Variants in ZMYM2 observed in about 807,000 individuals in gnomAD.
The protein encoded by ZMYM2 is zinc finger MYM-type protein 2.
In ZMYM2, 56 loss-of-function variants were observed where a neutral mutation model predicts 162.8. The ratio of observed to expected loss-of-function variants is 0.34; its 90% CI spans 0.28 to 0.43. The LOEUF (loss-of-function observed/expected upper bound fraction) is 0.43, where lower values mean the gene tolerates loss of function less well. ZMYM2 is among the 20% of genes least tolerant of loss of function. The pLI is 1.00. For missense variants in ZMYM2, 1,275 were observed against 1,621.8 expected (o/e 0.79, Z 3.67); for synonymous variants, 510 against 541.6 (o/e 0.94, Z 0.81).
At chr13:19,987,657 G>GTGTGTT (rs1393342177) in intron 2 of ZMYM2, among the ~76,000 whole-genome samples, 1 of 143,044 alleles carries the variant, frequency 7.0e-6, no homozygotes, top group African/African-American at 2.6e-5. Flanking sequence ...GTGTGTGTGT[G>GTGTGTT]TATAGGAAAG....
the ZMYM2 span, among the ~76,000 whole-genome samples, chr13:19,948,960 TTTTTGTTTTG>T: frequency 6.6e-6 from 1 of 152,218 alleles, no homozygotes; most frequent in African/African-American, 2.4e-5. Context: ...TGTGTATGTG[TTTTTGTTTTG>T]TTTTGTTTTG....
intron 2 of ZMYM2, among the ~76,000 whole-genome samples, chr13:19,966,628 A>T (rs377002259): frequency 1.3e-5 from 2 of 151,242 alleles, no homozygotes; most frequent in East Asian, 3.9e-4. Flanking sequence ...TTTAGTATAG[A>T]CGGGGTTTCT....
chr13:19,870,514 C>CCTCT, the ZMYM2 span, among the ~76,000 whole-genome samples: 1 of 138,984 alleles, frequency 7.2e-6, no homozygotes, highest in South Asian at 2.4e-4. Context: ...TCCCTCCCTC[C>CCTCT]CTCTTTCTCT....
intron 19 of ZMYM2, 195 bp from the exon 20 acceptor site, chr13:20,066,656 G>A (rs1208417481): frequency 7.1e-6 from 3 of 423,136 alleles, no homozygotes; most frequent in African/African-American, 4.1e-5. Context: ...CAGGTGGCAC[G>A]ATTGGAAGAG....
the ZMYM2 span, among the ~76,000 whole-genome samples, chr13:19,887,835 C>T: frequency 6.6e-6 from 1 of 151,430 alleles, no homozygotes; most frequent in Non-Finnish European, 1.5e-5. Flanking sequence ...CTTGCTCGAA[C>T]TGCCTCATCT....
At chr13:19,875,140 T>C in the ZMYM2 span, among the ~76,000 whole-genome samples, 13 of 152,182 alleles carry the variant, frequency 8.5e-5, no homozygotes, top group Non-Finnish European at 1.8e-4. Context: ...AGCAAAGTTA[T>C]CAGCCTAGGT....
chr13:20,007,790 T>C (rs557628804), intron 6 of ZMYM2, among the ~76,000 whole-genome samples: 1 of 151,870 alleles, frequency 6.6e-6, no homozygotes, highest in South Asian at 2.1e-4. Context: ...TGAGCTAATT[T>C]TTGTGTTTTT....
At chr13:19,884,146 T>A in the ZMYM2 span, among the ~76,000 whole-genome samples, 1 of 152,104 alleles carries the variant, frequency 6.6e-6, no homozygotes, top group African/African-American at 2.4e-5. Context: ...TGAGGCAGGA[T>A]TGCTTGAGCT....
chr13:19,926,728 C>T, the ZMYM2 span, among the ~76,000 whole-genome samples: 8 of 152,116 alleles, frequency 5.3e-5, no homozygotes, highest in South Asian at 4.2e-4. Context: ...AGTTCAGTGG[C>T]GCAATCCCTG....
the ZMYM2 span, among the ~76,000 whole-genome samples, chr13:19,896,256 G>C: frequency 6.6e-6 from 1 of 151,486 alleles, no homozygotes; most frequent in African/African-American, 2.4e-5. Context: ...CAATTCTCCT[G>C]TCTCAGCCTC....
intron 21 of ZMYM2, among the ~76,000 whole-genome samples, chr13:20,076,922 G>A (rs1416746194): frequency 6.7e-6 from 1 of 149,826 alleles, no homozygotes; most frequent in South Asian, 2.1e-4. Context: ...CCGCATCTCC[G>A]CCTCCCAGGT....
intron 2 of ZMYM2, among the ~76,000 whole-genome samples, chr13:19,992,628 A>T (rs1324054981): frequency 6.6e-6 from 1 of 152,168 alleles, no homozygotes; most frequent in African/African-American, 2.4e-5. Flanking sequence ...GATACAGTGA[A>T]TAAATGGGAT....
chr13:19,957,802 CCAGCTCCAGGGGAGCCCG>C (rs1316803108), upstream of ZMYM2, among the ~76,000 whole-genome samples: 2 of 152,214 alleles, frequency 1.3e-5, no homozygotes, highest in East Asian at 1.9e-4. Flanking sequence ...CGGTGGGAGC[CCAGCTCCAGGGGAGCCCG>C]CAGCTCCCTC....
At chr13:20,073,737 AT>A (rs1409270729) in intron 21 of ZMYM2, among the ~76,000 whole-genome samples, 3 of 152,210 alleles carry the variant, frequency 2.0e-5, no homozygotes, top group Non-Finnish European at 4.4e-5. Flanking sequence ...TTAAATGATT[AT>A]TTAAATAATT....
the ZMYM2 span, among the ~76,000 whole-genome samples, chr13:19,890,393 C>T: frequency 6.6e-6 from 1 of 150,402 alleles, no homozygotes; most frequent in Admixed American, 6.7e-5. Context: ...GTCTTGAACT[C>T]CTGGGCTCAA....
chr13:19,968,291 G>A (rs1398843726), intron 2 of ZMYM2, among the ~76,000 whole-genome samples: 2 of 152,010 alleles, frequency 1.3e-5, no homozygotes, highest in East Asian at 3.9e-4. Flanking sequence ...TGCTCAAGCT[G>A]GAGCGCAATG....
chr13:19,964,623 T>C (rs746949184), intron 2 of ZMYM2, among the ~76,000 whole-genome samples: 1 of 152,190 alleles, frequency 6.6e-6, no homozygotes, highest in Non-Finnish European at 1.5e-5. Flanking sequence ...TAAGTTATCA[T>C]CTTGTTTTTG....
the ZMYM2 span, among the ~76,000 whole-genome samples, chr13:19,879,878 AG>A: frequency 1.3e-5 from 2 of 152,224 alleles, no homozygotes; most frequent in African/African-American, 2.4e-5. Context: ...GATTGAGTAA[AG>A]ATTATCGGCC....
chr13:19,899,417 C>T, the ZMYM2 span, among the ~76,000 whole-genome samples: 1 of 151,870 alleles, frequency 6.6e-6, no homozygotes, highest in Non-Finnish European at 1.5e-5. Flanking sequence ...AATAATTAAA[C>T]TTTACACATT....
Sources: allele counts gnomAD v4.1 joint callset (sites outside exome capture counted in the v4.1 genomes callset), GRCh38; gene constraint gnomAD v4.1.1; transcripts MANE v1.5; gene names NCBI Gene and HGNC (gene_info 2026-07-23, HGNC 2026-07-21).